SPECC1: variants seen among roughly 807,000 people sequenced by gnomAD.
The protein encoded by SPECC1 is sperm antigen with calponin homology and coiled-coil domains 1.
In SPECC1, 62 loss-of-function variants were observed where a neutral mutation model predicts 104.1. The observed-to-expected ratio is 0.60, with a 90% CI of 0.49 to 0.74. The LOEUF is 0.74. Ranked by LOEUF, SPECC1 falls within the 30% of genes least tolerant of loss-of-function variation. The probability of loss-of-function intolerance (pLI) is 0.00; values close to 1 mark genes in which losing one functional copy is unlikely to be tolerated. For missense variants in SPECC1, 1,306 were observed against 1,310.5 expected (o/e 1.00, Z 0.05); for synonymous variants, 513 against 501.6 (o/e 1.02, Z -0.30).
rs371988253 is a variant in SPECC1, at chr17:20,045,172, A to C, written c.-22+35748A>C. Among the ~76,000 whole-genome samples, 6 of 152,134 alleles carry C rather than the reference A, an allele frequency of 3.9e-5. No individual in the cohort carries two copies. In the East Asian group the frequency reaches 1.2e-3, roughly 29 times the overall value. On this transcript the variant is annotated intron_variant, in intron 1 of 14. Transcript: ENST00000395527. The stretch of plus-strand genomic sequence containing the variant: ...GCACACACTAGATTTTTTTTTCCAG[A>C]AATTAGCTCATACTGACTATCATAA...
intron 1 of SPECC1, among the ~76,000 whole-genome samples, chr17:20,051,585 T>C (rs1222470560): frequency 6.6e-6 from 1 of 152,234 alleles, no homozygotes; most frequent in Non-Finnish European, 1.5e-5. Context: ...GGCTTTTTCT[T>C]CCTTTGAATT....
intron 2 of SPECC1, among the ~76,000 whole-genome samples, chr17:20,108,708 T>C (rs1280142259): frequency 6.6e-6 from 1 of 152,232 alleles, no homozygotes; most frequent in Non-Finnish European, 1.5e-5. Context: ...TTATCCTCTC[T>C]GTTGAAGGAC....
chr17:20,119,972 A>T (rs1262361153), intron 3 of SPECC1, among the ~76,000 whole-genome samples: 1 of 152,216 alleles, frequency 6.6e-6, no homozygotes. Context: ...TGGATTAGAG[A>T]TGCTGAACTG....
chr17:20,134,635 G>T (rs1047490171), intron 3 of SPECC1, among the ~76,000 whole-genome samples: 3 of 151,960 alleles, frequency 2.0e-5, no homozygotes, highest in African/African-American at 7.3e-5. Context: ...TTATTTTTTT[G>T]AGACAGGGTC....
intron 7 of SPECC1, among the ~76,000 whole-genome samples, chr17:20,243,224 A>G (rs1172747946): frequency 6.6e-6 from 1 of 152,222 alleles, no homozygotes; most frequent in African/African-American, 2.4e-5. Context: ...AGGCAGTAGC[A>G]AGCCTTGAAC....
rs527877329 is a variant in SPECC1, at chr17:20,281,208, G to A, written c.2941-15753G>A. ...TGTCAATTAGCCTGCGGTGAAACTGGTTTTGTTATACAGCGTGTCACCATT... is the reference window on the plus strand; with the variant it reads ...TGTCAATTAGCCTGCGGTGAAACTGATTTTGTTATACAGCGTGTCACCATT... On this transcript the variant is annotated intron_variant, in intron 12 of 14. Transcript: ENST00000395527. 5.9e-5 allele frequency among the ~76,000 whole-genome samples: 9 copies of A among 152,302 alleles called. No homozygotes were observed. In the South Asian group the frequency reaches 1.9e-3, roughly 32 times the overall value.
intron 1 of SPECC1, among the ~76,000 whole-genome samples, chr17:20,061,545 C>A (rs1247715566): frequency 6.6e-6 from 1 of 151,972 alleles, no homozygotes; most frequent in Non-Finnish European, 1.5e-5. Flanking sequence ...AAAGATGCAA[C>A]CTTTGGGAAC....
chr17:20,318,754 A>G lies in SPECC1; in HGVS notation c.*4689A>G, dbSNP rs62066881. 6 of 219,240 alleles carry G rather than the reference A, an allele frequency of 2.7e-5. No homozygotes were observed. The highest frequency in any genetic ancestry group is 5.5e-5 in the Non-Finnish European group (6 of 109,306). The allele number at this position is 219,240 out of a possible 1,614,324, so 13.6% of individuals were successfully genotyped here. On this transcript the variant is annotated 3_prime_UTR_variant, in exon 15 of 15. Coordinates refer to ENST00000395527, the MANE Select transcript of SPECC1 (RefSeq NM_001243439.2). ...CGAATATCTACAGTTGCCTCAATTCACGGGGCATTTCACTCCTCTGATCCA... is the reference window on the plus strand; with the variant it reads ...CGAATATCTACAGTTGCCTCAATTCGCGGGGCATTTCACTCCTCTGATCCA...
rs192410814 is a variant in SPECC1 at position 20,157,584 on chromosome 17, T to C, written c.284-46749T>C. Among the ~76,000 whole-genome samples, 10 of 152,338 alleles carry C rather than the reference T, an allele frequency of 6.6e-5. No homozygotes were observed. The East Asian group carries it at 1.9e-3, about 29-fold the overall frequency. On this transcript the variant is annotated intron_variant, in intron 3 of 14. Coordinates refer to ENST00000395527, the MANE Select transcript of SPECC1 (RefSeq NM_001243439.2). ...ATTAGTTACATGCTTGTCCAGGTAT[T>C]GTGAAAACCCCTGTGTATTATTTCC...
intron 1 of SPECC1, among the ~76,000 whole-genome samples, chr17:20,092,377 T>C (rs1230505828): frequency 6.7e-6 from 1 of 149,834 alleles, no homozygotes; most frequent in South Asian, 2.1e-4. Context: ...GGCTAATTCA[T>C]ATCCATAAGA....
intron 2 of SPECC1, among the ~76,000 whole-genome samples, chr17:20,107,512 A>G (rs2048286338): frequency 6.8e-6 from 1 of 146,334 alleles, no homozygotes. Flanking sequence ...TATAGAGTGC[A>G]GTGGCGCGAT....
intron 3 of SPECC1, among the ~76,000 whole-genome samples, chr17:20,201,170 AAAG>A (rs1048385015): frequency 4.6e-5 from 7 of 152,222 alleles, no homozygotes; most frequent in Admixed American, 3.9e-4. Flanking sequence ...GGTTTAAAAA[AAAG>A]AAAGTGGCTG....
rs563003228 is a variant in SPECC1, at chr17:20,211,671, T to C, written c.1863+5759T>C. Among the ~76,000 whole-genome samples the C allele has an allele frequency of 3.9e-3, 601 of 152,342 alleles. 15 individuals are homozygous for C. Among genetic ancestry groups the C allele is most frequent in the Non-Finnish European group, 7.2e-4 (49 of 68,016 alleles). On this transcript the variant is annotated intron_variant, in intron 4 of 14. Transcript: ENST00000395527. Reference sequence around the variant, plus strand: ...CCCGACACCCCCAGGTCTCTGTTCTTGAAGCCCCTTGAAAAGGGGCAGAAG... The same window carrying C: ...CCCGACACCCCCAGGTCTCTGTTCTCGAAGCCCCTTGAAAAGGGGCAGAAG...
chr17:20,050,776 C>G (rs1295054428), intron 1 of SPECC1, among the ~76,000 whole-genome samples: 1 of 152,164 alleles, frequency 6.6e-6, no homozygotes, highest in Non-Finnish European at 1.5e-5. Context: ...TGAACTGGCC[C>G]AACTTAGGCT....
At chr17:20,239,376 G>A (rs2039089225) in intron 7 of SPECC1, 3 of 716,656 alleles carry the variant, frequency 4.2e-6, no homozygotes, top group Non-Finnish European at 5.2e-6. Flanking sequence ...TCATGAATAT[G>A]TATAGGGTTC....
At chr17:20,208,055 A>G (rs2151368999) in intron 4 of SPECC1, among the ~76,000 whole-genome samples, 1 of 152,306 alleles carries the variant, frequency 6.6e-6, no homozygotes, top group East Asian at 1.9e-4. Flanking sequence ...TAAAATCTGG[A>G]ATCTTCTGGA....
intron 3 of SPECC1, among the ~76,000 whole-genome samples, chr17:20,156,618 G>A (rs904015797): frequency 6.6e-6 from 1 of 152,106 alleles, no homozygotes; most frequent in Non-Finnish European, 1.5e-5. Flanking sequence ...CCTGTCGGCC[G>A]CCGGCCCCGC....
chr17:20,284,192 C>T (rs1225518677), intron 12 of SPECC1, among the ~76,000 whole-genome samples: 1 of 152,170 alleles, frequency 6.6e-6, no homozygotes, highest in Non-Finnish European at 1.5e-5. Context: ...CAGTGATGGC[C>T]AGCTCACCAG....
intron 12 of SPECC1, among the ~76,000 whole-genome samples, chr17:20,291,687 G>C (rs1414547627): frequency 6.6e-6 from 1 of 152,068 alleles, no homozygotes; most frequent in Non-Finnish European, 1.5e-5. Context: ...TGGAACTACA[G>C]GCATGTGCCA....
Sources: allele counts gnomAD v4.1 joint callset (sites outside exome capture counted in the v4.1 genomes callset), GRCh38; gene constraint gnomAD v4.1.1; transcripts MANE v1.5; gene names NCBI Gene and HGNC (gene_info 2026-07-23, HGNC 2026-07-21).